Variants in PPP2R2C observed in about 807,000 individuals in gnomAD.
PPP2R2C encodes the protein protein phosphatase 2 regulatory subunit Bgamma, also known as protein phosphatase 2, regulatory subunit B, gamma.
In PPP2R2C, 10 loss-of-function variants were observed where a neutral mutation model predicts 45.3. That is an observed-to-expected ratio of 0.22 (90% confidence interval 0.14 to 0.37). PPP2R2C has a LOEUF of 0.37. PPP2R2C is among the 10% of genes least tolerant of loss of function. The pLI is 1.00. For synonymous variants in PPP2R2C, 257 were observed against 245.4 expected, an observed-to-expected ratio of 1.05 and a Z score of -0.44; for missense variants, 308 against 619.7, an observed-to-expected ratio of 0.50 and a Z score of 5.34.
intron 2 of PPP2R2C, among the ~76,000 whole-genome samples, chr4:6,481,777 G>A (rs754295756): frequency 6.6e-6 from 1 of 151,886 alleles, no homozygotes; most frequent in Admixed American, 6.6e-5. Flanking sequence ...TCAGGAGTTC[G>A]AGACAAGCCT....
At chr4:6,547,645 C>A (rs555717714) in intron 1 of PPP2R2C, among the ~76,000 whole-genome samples, 3 of 152,266 alleles carry the variant, frequency 2.0e-5, no homozygotes, top group East Asian at 3.9e-4. Context: ...GCCATAGATA[C>A]ACCCAGAAGG....
Position 6,329,331 on chromosome 4 carries a change from T to C in PPP2R2C, c.983A>G (p.Lys328Arg). Residue 328 changes from lysine (K) to arginine (R), a missense_variant, in exon 8 of 9, where the codon AAG (lysine) becomes AGG (arginine). Coordinates refer to ENST00000382599, the MANE Select transcript of PPP2R2C (RefSeq NM_020416.4). This position sits in a 1 kb window ranked among gnomAD's most constrained non-coding sequence, Gnocchi z 5.8. ...TYQVHDYLRS[K>R]LCSLYENDCI... ...GTCGTTCTCGTACAGGGAACAGAGC[T>C]TGCTCCGAAGGTAGTCATGGACCTG... is the stretch of plus-strand genomic sequence containing the variant. 1 of 1,614,154 alleles carries C rather than the reference T, an allele frequency of 6.2e-7. No individual in the cohort carries two copies. Among genetic ancestry groups the C allele is most frequent in the Admixed American group, 1.7e-5 (1 of 60,024 alleles).
At chr4:6,517,584 A>G (rs1013678996) in intron 2 of PPP2R2C, among the ~76,000 whole-genome samples, 1 of 152,174 alleles carries the variant, frequency 6.6e-6, no homozygotes, top group Non-Finnish European at 1.5e-5. Context: ...AGGTTCTAAG[A>G]GGTGAGAGGG....
chr4:6,502,079 C>T (rs1028568013), intron 2 of PPP2R2C, among the ~76,000 whole-genome samples: 2 of 152,250 alleles, frequency 1.3e-5, no homozygotes, highest in African/African-American at 4.8e-5. Context: ...TCCACGCGAT[C>T]TGGAGCAGGA....
At chr4:6,520,333 AGCATGGTCTATACCCAAAAAAAGG>A (rs1166217481) in intron 2 of PPP2R2C, among the ~76,000 whole-genome samples, 6 of 152,140 alleles carry the variant, frequency 3.9e-5, no homozygotes, top group Non-Finnish European at 8.8e-5. Context: ...CGCAGGGGGT[AGCATGGTCTATACCCAAAAAAAGG>A]GCAACTCTGT....
chr4:6,342,123 CACACAT>C (rs1213443843), intron 6 of PPP2R2C, among the ~76,000 whole-genome samples: 45 of 119,280 alleles, frequency 3.8e-4, no homozygotes, highest in South Asian at 7.1e-4. Context: ...CACACACACA[CACACAT>C]ACATATATAT....
chr4:6,347,541 A>G (rs1712102456), intron 6 of PPP2R2C, among the ~76,000 whole-genome samples: 1 of 152,120 alleles, frequency 6.6e-6, no homozygotes, highest in Non-Finnish European at 1.5e-5. Flanking sequence ...AAGCTTTCCT[A>G]CAGGAGGTGA....
intron 2 of PPP2R2C, among the ~76,000 whole-genome samples, chr4:6,530,440 C>T (rs1048792285): frequency 2.0e-5 from 3 of 152,302 alleles, no homozygotes; most frequent in South Asian, 2.1e-4. Context: ...CCCCTCTGCC[C>T]GGGAGGCGCT....
chr4:6,414,690 T>G (rs563265442), intron 1 of PPP2R2C, among the ~76,000 whole-genome samples: 202 of 151,980 alleles, frequency 1.3e-3, no homozygotes, highest in South Asian at 5.4e-3. Flanking sequence ...GAACTCTTGT[T>G]GGGCTCCTAA....
chr4:6,556,561 C>G (rs773475365), intron 1 of PPP2R2C, among the ~76,000 whole-genome samples: 16 of 152,158 alleles, frequency 1.1e-4, no homozygotes, highest in Non-Finnish European at 1.5e-4. Flanking sequence ...TCTGAAGAAC[C>G]CTGACTACTA....
chr4:6,385,314 A>G (rs923541582), intron 1 of PPP2R2C, among the ~76,000 whole-genome samples: 1 of 152,082 alleles, frequency 6.6e-6, no homozygotes, highest in Non-Finnish European at 1.5e-5. Flanking sequence ...TTTAATGTCT[A>G]CTCATTTTTA....
intron 1 of PPP2R2C, among the ~76,000 whole-genome samples, chr4:6,453,153 C>T (rs1720829088): frequency 6.6e-6 from 1 of 152,176 alleles, no homozygotes; most frequent in Non-Finnish European, 1.5e-5. Flanking sequence ...TCTCCATCCA[C>T]CCTTGAAGGG....
At chr4:6,512,211 G>A (rs1723616350) in intron 2 of PPP2R2C, among the ~76,000 whole-genome samples, 3 of 99,642 alleles carry the variant, frequency 3.0e-5, no homozygotes, top group Non-Finnish European at 4.3e-5. Flanking sequence ...TGGTGGTGGT[G>A]ATGGTGGTGT....
At chr4:6,403,174 G>A (rs759200791) in intron 1 of PPP2R2C, among the ~76,000 whole-genome samples, 3 of 152,214 alleles carry the variant, frequency 2.0e-5, no homozygotes, top group African/African-American at 4.8e-5. Flanking sequence ...GATTACTGCC[G>A]CTGGCCGGGC....
intron 5 of PPP2R2C, chr4:6,348,984 T>C (rs190917178): frequency 3.1e-6 from 3 of 983,074 alleles, no homozygotes; most frequent in East Asian, 2.3e-4. Flanking sequence ...CAGGTGTGAT[T>C]GGTAAGGCTG....
intron 1 of PPP2R2C, among the ~76,000 whole-genome samples, chr4:6,403,309 G>GAGCGC (rs992800688): frequency 6.6e-6 from 1 of 152,234 alleles, no homozygotes; most frequent in African/African-American, 2.4e-5. Flanking sequence ...GAGCGGAGCG[G>GAGCGC]AGCCCCTTAG....
At chr4:6,419,256 A>G (rs1319310264) in intron 1 of PPP2R2C, among the ~76,000 whole-genome samples, 1 of 152,042 alleles carries the variant, frequency 6.6e-6, no homozygotes, top group African/African-American at 2.4e-5. Context: ...CATCTCTACT[A>G]AAAACACACA....
At chr4:6,348,052 C>A (rs2109225739) in intron 5 of PPP2R2C, 42 bp from the exon 6 acceptor site, 2 of 1,598,928 alleles carry the variant, frequency 1.3e-6, no homozygotes, top group East Asian at 4.5e-5. Context: ...GAAGGGCGCC[C>A]TCAATGCTCC....
intron 2 of PPP2R2C, among the ~76,000 whole-genome samples, chr4:6,490,354 C>A (rs1215344715): frequency 1.3e-5 from 2 of 152,254 alleles, no homozygotes; most frequent in Non-Finnish European, 2.9e-5. Context: ...GCCATCCTCT[C>A]ATGACACTTC....
Sources: allele counts gnomAD v4.1 joint callset (sites outside exome capture counted in the v4.1 genomes callset), GRCh38; gene constraint gnomAD v4.1.1; non-coding constraint Gnocchi (gnomAD v3.1); transcripts MANE v1.5; gene names NCBI Gene and HGNC (gene_info 2026-07-23, HGNC 2026-07-21).